Variants in CDH2 observed in about 807,000 individuals in gnomAD.
CDH2 encodes the protein cadherin-2.
Under a neutral mutation model 92.0 loss-of-function variants are expected in CDH2, and 17 were observed. The ratio of observed to expected loss-of-function variants is 0.18; its 90% CI spans 0.13 to 0.28. The LOEUF (loss-of-function observed/expected upper bound fraction) is 0.28. Ranked by LOEUF, CDH2 falls within the 10% of genes least tolerant of loss-of-function variation. CDH2 has a pLI of 1.00. For missense variants in CDH2, 862 were observed against 1,133.1 expected, an observed-to-expected ratio of 0.76 and a Z score of 3.44; for synonymous variants, 419 against 415.9, an observed-to-expected ratio of 1.01 and a Z score of -0.09.
Position 28,177,051 on chromosome 18 carries a change from CGGA to C in CDH2, c.-32_-30del. 2.0e-6 allele frequency: 3 copies of C among 1,471,594 alleles called. No individual in the cohort carries two copies. The highest frequency in any genetic ancestry group is 2.7e-6 in the Non-Finnish European group (3 of 1,112,550). 91.2% of individuals were successfully genotyped at this position (1,471,594 alleles called of 1,614,324 possible). ...GGCGGAGAGGGGCCGAGCGAAGAGC[CGGA>C]GGAGGCGGCGGCGGCGGCGGCGGCG... On this transcript the variant is annotated 5_prime_UTR_variant, in exon 1 of 16. Coordinates refer to ENST00000269141, the MANE Select transcript of CDH2 (RefSeq NM_001792.5).
chr18:28,128,876 C>T (rs2015720848), intron 2 of CDH2, among the ~76,000 whole-genome samples: 1 of 152,116 alleles, frequency 6.6e-6, no homozygotes, highest in Non-Finnish European at 1.5e-5. Flanking sequence ...AGGCAACAGG[C>T]ATCCTATTTA....
At chr18:28,146,964 T>C (rs2016045049) in intron 2 of CDH2, among the ~76,000 whole-genome samples, 1 of 152,160 alleles carries the variant, frequency 6.6e-6, no homozygotes, top group South Asian at 2.1e-4. Context: ...TTGCTTTCAA[T>C]TAGAGCTAAA....
chr18:28,079,971 C>T (rs148484866), intron 2 of CDH2, among the ~76,000 whole-genome samples: 1 of 152,234 alleles, frequency 6.6e-6, no homozygotes, highest in African/African-American at 2.4e-5. Flanking sequence ...TAACATTTAA[C>T]ACATGAATTG....
intron 2 of CDH2, among the ~76,000 whole-genome samples, chr18:28,142,415 T>C (rs2015968761): frequency 6.7e-6 from 1 of 150,102 alleles, no homozygotes; most frequent in Non-Finnish European, 1.5e-5. Context: ...AGACCTAAAA[T>C]ACATCGAAAG....
chr18:28,011,848 T>G lies in CDH2; in HGVS notation c.544A>C (p.Arg182=), dbSNP rs142765160. The G allele has an allele frequency of 3.5e-4, 567 of 1,613,996 alleles. 6 individuals carry two copies. The African/African-American group carries it at 6.9e-3, about 20-fold the overall frequency. The change falls in exon 4 of 16, where the codon AGG becomes CGG. Residue 182 remains arginine (R), a splice_region_variant and synonymous_variant. Coordinates refer to ENST00000269141, the MANE Select transcript of CDH2 (RefSeq NM_001792.5). The part of the protein sequence containing the change: ...SRGPFPQELV[R]IRSDRDKNLS... ...CAGTTAAAATTGTGCCACCTTACCC[T>G]GACAAGCTCTTGAGGAAAAGGTCCC...
chr18:28,065,617 T>C (rs1047658329), intron 2 of CDH2, among the ~76,000 whole-genome samples: 7 of 152,162 alleles, frequency 4.6e-5, no homozygotes, highest in Non-Finnish European at 4.4e-5. Context: ...AGGAAATCCA[T>C]GGTAACTAGC....
At chr18:28,106,154 C>G (rs533698255) in intron 2 of CDH2, among the ~76,000 whole-genome samples, 1 of 152,202 alleles carries the variant, frequency 6.6e-6, no homozygotes, top group Non-Finnish European at 1.5e-5. Context: ...CAGTGGCTTA[C>G]ACCTATAATC....
At chr18:28,008,092 G>A (rs2012992164) in intron 5 of CDH2, among the ~76,000 whole-genome samples, 1 of 152,046 alleles carries the variant, frequency 6.6e-6, no homozygotes, top group South Asian at 2.1e-4. Flanking sequence ...CCCCAAAATT[G>A]ACCTGAATAT....
intron 2 of CDH2, among the ~76,000 whole-genome samples, chr18:28,145,180 T>C (rs977990562): frequency 6.6e-6 from 1 of 152,214 alleles, no homozygotes; most frequent in East Asian, 1.9e-4. Flanking sequence ...ATATTGTACA[T>C]ACTGGTGAGC....
At chr18:28,104,933 TA>T (rs1169211638) in intron 2 of CDH2, among the ~76,000 whole-genome samples, 1 of 152,032 alleles carries the variant, frequency 6.6e-6, no homozygotes, top group Non-Finnish European at 1.5e-5. Flanking sequence ...AAAATATATG[TA>T]AAAGTTCACT....
intron 1 of CDH2, among the ~76,000 whole-genome samples, chr18:28,167,500 T>G (rs2016403536): frequency 6.6e-6 from 1 of 152,108 alleles, no homozygotes; most frequent in Non-Finnish European, 1.5e-5. Flanking sequence ...ATAAGAAAGA[T>G]TCTGCGTACT....
intron 2 of CDH2, among the ~76,000 whole-genome samples, chr18:28,095,785 GGGCA>G (rs2015121367): frequency 8.1e-6 from 1 of 123,244 alleles, no homozygotes; most frequent in Non-Finnish European, 1.6e-5. Context: ...ACTCCAGCCT[GGGCA>G]ATAGGATGCA....
chr18:28,122,958 G>A (rs896819107), intron 2 of CDH2, among the ~76,000 whole-genome samples: 3 of 152,008 alleles, frequency 2.0e-5, no homozygotes, highest in South Asian at 2.1e-4. Context: ...AAACAATCTC[G>A]AGACAATTTT....
intron 2 of CDH2, among the ~76,000 whole-genome samples, chr18:28,078,769 T>G (rs942171109): frequency 6.6e-6 from 1 of 152,122 alleles, no homozygotes; most frequent in African/African-American, 2.4e-5. Context: ...ATAACAGTTT[T>G]CTATACTCCT....
intron 15 of CDH2, among the ~76,000 whole-genome samples, chr18:27,957,829 A>G (rs1214720604): frequency 6.6e-6 from 1 of 152,190 alleles, no homozygotes; most frequent in Non-Finnish European, 1.5e-5. Flanking sequence ...AACTGAACAT[A>G]TCAAGGCCAA....
chr18:27,953,914 G>GA (rs1219903109), intron 15 of CDH2, among the ~76,000 whole-genome samples: 3 of 152,018 alleles, frequency 2.0e-5, no homozygotes, highest in African/African-American at 7.2e-5. Flanking sequence ...CTTGGGATTT[G>GA]AAAAAATAAG....
At chr18:28,067,887 A>G (rs2014540184) in intron 2 of CDH2, among the ~76,000 whole-genome samples, 1 of 152,168 alleles carries the variant, frequency 6.6e-6, no homozygotes, top group African/African-American at 2.4e-5. Flanking sequence ...CTATAATGAT[A>G]AATTATCTAG....
intron 1 of CDH2, among the ~76,000 whole-genome samples, chr18:28,163,960 G>A (rs2016342291): frequency 6.6e-6 from 1 of 152,156 alleles, no homozygotes; most frequent in African/African-American, 2.4e-5. Context: ...CTCTGGGGAT[G>A]TCCAAGGAAG....
At chr18:28,112,174 T>C (rs1310220218) in intron 2 of CDH2, among the ~76,000 whole-genome samples, 2 of 152,212 alleles carry the variant, frequency 1.3e-5, no homozygotes, top group East Asian at 1.9e-4. Flanking sequence ...ATCACGTCCA[T>C]GTCACCAGCA....
Sources: gnomAD v4.1 joint callset for allele counts (sites outside exome capture counted in the v4.1 genomes callset) on GRCh38, gnomAD v4.1.1 for gene constraint, MANE v1.5 for transcripts, NCBI Gene and HGNC (gene_info 2026-07-23, HGNC 2026-07-21) for gene names.